Variants in PCCB observed in about 807,000 individuals in gnomAD.
The protein encoded by PCCB is propionyl-CoA carboxylase beta chain, mitochondrial.
PCCB carries 43 observed loss-of-function variants against 60.7 expected under a neutral mutation model. The observed-to-expected ratio is 0.71, with a 90% CI of 0.55 to 0.91. The LOEUF (loss-of-function observed/expected upper bound fraction) is 0.91, where lower values mean the gene tolerates loss of function less well. PCCB is among the 40% of genes least tolerant of loss of function. The pLI is 0.00. For missense variants in PCCB, 766 were observed against 702.8 expected (o/e 1.09, Z -1.02); for synonymous variants, 276 against 255.9 (o/e 1.08, Z -0.75).
chr3:136,251,453 G>C (rs764069333), intron 1 of PCCB, among the ~76,000 whole-genome samples: 1 of 152,302 alleles, frequency 6.6e-6, no homozygotes, highest in Admixed American at 6.5e-5. Context: ...GGGAGGCACT[G>C]GGGGAGGGAT....
intron 14 of PCCB, among the ~76,000 whole-genome samples, chr3:136,329,248 C>A (rs1267026827): frequency 1.3e-5 from 2 of 152,232 alleles, no homozygotes; most frequent in Non-Finnish European, 2.9e-5. Flanking sequence ...ATCACCCACA[C>A]AGGTATAGTC....
chr3:136,316,836 A>C (rs749593198), intron 9 of PCCB, 105 bp from the exon 10 acceptor site: 113 of 1,340,406 alleles, frequency 8.4e-5, no homozygotes, highest in Non-Finnish European at 1.1e-4. Context: ...GGAGCTGTCT[A>C]CCTCTACCTC....
At chr3:136,271,762 A>G (rs1942208667) in intron 5 of PCCB, among the ~76,000 whole-genome samples, 1 of 152,156 alleles carries the variant, frequency 6.6e-6, no homozygotes, top group African/African-American at 2.4e-5. Flanking sequence ...CTTTTGGATG[A>G]GTCGCTAGAG....
At chr3:136,327,571 G>A in intron 12 of PCCB, 63 bp from the exon 13 acceptor site, 1 of 1,270,298 alleles carries the variant, frequency 7.9e-7, no homozygotes. Flanking sequence ...GTTTCCTGGG[G>A]TCTTTCAGGG....
intron 14 of PCCB, 53 bp from the exon 15 acceptor site, chr3:136,329,852 G>A: frequency 6.2e-7 from 1 of 1,604,572 alleles, no homozygotes; most frequent in Non-Finnish European, 8.5e-7. Context: ...AGGTTGAGGG[G>A]TGGCATCATC....
chr3:136,322,249 TGATA>T (rs1319728179), intron 10 of PCCB, among the ~76,000 whole-genome samples: 1 of 152,246 alleles, frequency 6.6e-6, no homozygotes, highest in Non-Finnish European at 1.5e-5. Flanking sequence ...ACTGTTGATA[TGATA>T]GATTACGTTA....
At chr3:136,257,912 G>T (rs974667129) in intron 3 of PCCB, among the ~76,000 whole-genome samples, 43 of 152,116 alleles carry the variant, frequency 2.8e-4, no homozygotes, top group African/African-American at 9.9e-4. Context: ...GAGCCTGGGT[G>T]GCAGAGTGAG....
intron 9 of PCCB, among the ~76,000 whole-genome samples, chr3:136,304,539 G>A (rs549175635): frequency 1.7e-5 from 2 of 118,778 alleles, no homozygotes; most frequent in African/African-American, 5.1e-5. Flanking sequence ...CCACCACCAT[G>A]CCTGGCTAAT....
At position 136,258,575 on chromosome 3, in the gene PCCB, C is replaced by G. The variant is rs529941786; in HGVS notation, c.373-1904C>G. On this transcript the variant is annotated intron_variant, in intron 3 of 14. Transcript: ENST00000251654. ...CTTCTGTTCTTCTGGGGAGCCTCCTCAGTCCCTTGCCTGATAATTGGCTGT... is the reference window on the plus strand; with the variant it reads ...CTTCTGTTCTTCTGGGGAGCCTCCTGAGTCCCTTGCCTGATAATTGGCTGT... 2.6e-5 allele frequency among the ~76,000 whole-genome samples: 4 copies of G among 152,232 alleles called. No homozygotes were observed. The South Asian group carries it at 8.3e-4, about 32-fold the overall frequency.
chr3:136,300,427 T>G (rs1263259401), intron 8 of PCCB, among the ~76,000 whole-genome samples: 2 of 152,166 alleles, frequency 1.3e-5, no homozygotes, highest in Admixed American at 6.5e-5. Flanking sequence ...GGTCCTCCTG[T>G]AGAGTGGGAG....
chr3:136,298,402 A>T (rs995475820), intron 8 of PCCB, among the ~76,000 whole-genome samples: 1 of 152,198 alleles, frequency 6.6e-6, no homozygotes, highest in African/African-American at 2.4e-5. Context: ...CCTAGTCCCC[A>T]TGAAGAAGTC....
At chr3:136,268,698 A>G (rs1322736809) in intron 5 of PCCB, among the ~76,000 whole-genome samples, 1 of 152,002 alleles carries the variant, frequency 6.6e-6, no homozygotes, top group Non-Finnish European at 1.5e-5. Context: ...ACCTGATCTC[A>G]GGTGATCCAC....
At chr3:136,323,002 T>G (rs1269075904) in intron 10 of PCCB, among the ~76,000 whole-genome samples, 2 of 150,876 alleles carry the variant, frequency 1.3e-5, no homozygotes, top group South Asian at 2.1e-4. Flanking sequence ...TGATGAGTTT[T>G]TTTTTTTTTT....
chr3:136,318,009 T>C (rs1488640146), intron 10 of PCCB, among the ~76,000 whole-genome samples: 1 of 152,230 alleles, frequency 6.6e-6, no homozygotes, highest in African/African-American at 2.4e-5. Flanking sequence ...CCTAACCTCA[T>C]CTTATTTCTG....
chr3:136,255,027 C>T (rs145859148), intron 1 of PCCB, among the ~76,000 whole-genome samples: 63 of 152,184 alleles, frequency 4.1e-4, no homozygotes, highest in African/African-American at 1.5e-3. Context: ...CAGGCGCATG[C>T]CACCACACCC....
intron 12 of PCCB, 111 bp from the exon 13 acceptor site, chr3:136,327,523 A>G (rs1388838583): frequency 1.2e-6 from 1 of 846,304 alleles, no homozygotes; most frequent in Admixed American, 2.0e-5. Context: ...TCAGGAGCCC[A>G]GTAGGGCTAT....
intron 9 of PCCB, among the ~76,000 whole-genome samples, chr3:136,305,283 G>T (rs1283090567): frequency 1.7e-5 from 2 of 117,652 alleles, no homozygotes; most frequent in African/African-American, 5.1e-5. Flanking sequence ...TTAGAGATGG[G>T]GTTTCGCCAT....
intron 1 of PCCB, chr3:136,255,239 A>G (rs1941637421): frequency 6.4e-6 from 1 of 156,662 alleles, no homozygotes; most frequent in African/African-American, 2.4e-5. Context: ...CTCCCCTTCT[A>G]CTCAGCCACT....
intron 5 of PCCB, among the ~76,000 whole-genome samples, chr3:136,270,011 G>A (rs999268988): frequency 1.1e-4 from 16 of 141,996 alleles, no homozygotes; most frequent in Admixed American, 2.1e-4. Flanking sequence ...TTTTTTTTTG[G>A]ACATTCTCTT....
Sources: gnomAD v4.1 joint callset for allele counts (sites outside exome capture counted in the v4.1 genomes callset) on GRCh38, gnomAD v4.1.1 for gene constraint, MANE v1.5 for transcripts, NCBI Gene and HGNC (gene_info 2026-07-23, HGNC 2026-07-21) for gene names.